The following TMCC1 variants were observed in gnomAD, a reference collection of about 807,000 sequenced individuals.
TMCC1 encodes transmembrane and coiled-coil domain family 1.
Under a neutral mutation model 52.4 loss-of-function variants are expected in TMCC1, and 15 were observed. That is an observed-to-expected ratio of 0.29 (90% CI 0.19 to 0.44). TMCC1 has a LOEUF of 0.44. TMCC1 is among the 20% of genes least tolerant of loss of function. The pLI is 1.00. For missense variants in TMCC1, 503 were observed against 806.0 expected (o/e 0.62, Z 4.55); for synonymous variants, 279 against 301.9 (o/e 0.92, Z 0.79).
chr3:129,831,683 T>C (rs1341854434), intron 3 of TMCC1, among the ~76,000 whole-genome samples: 1 of 152,106 alleles, frequency 6.6e-6, no homozygotes, highest in Non-Finnish European at 1.5e-5. Flanking sequence ...ATACCAACAA[T>C]AGTGATGTTG....
chr3:129,846,016 AGAGT>A (rs1263151424), intron 2 of TMCC1, among the ~76,000 whole-genome samples: 1 of 152,218 alleles, frequency 6.6e-6, no homozygotes, highest in East Asian at 1.9e-4. Flanking sequence ...CCTGGGCAAC[AGAGT>A]GAGACTCTGT....
At chr3:129,876,914 G>A (rs910724201) in intron 2 of TMCC1, among the ~76,000 whole-genome samples, 36 of 152,058 alleles carry the variant, frequency 2.4e-4, no homozygotes, top group African/African-American at 8.7e-4. Flanking sequence ...CTGAGATCGT[G>A]CCACTGCACT....
intron 1 of TMCC1, among the ~76,000 whole-genome samples, chr3:129,883,835 G>A (rs963705560): frequency 9.5e-5 from 14 of 147,296 alleles, no homozygotes; most frequent in African/African-American, 1.3e-4. Flanking sequence ...GTGAAACCTC[G>A]CGTCTATTTT....
At chr3:129,678,211 C>T (rs570117426) in intron 4 of TMCC1, among the ~76,000 whole-genome samples, 8 of 151,906 alleles carry the variant, frequency 5.3e-5, no homozygotes, top group South Asian at 2.1e-4. Context: ...TGAGCCACCA[C>T]GCCTGGCCAA....
intron 4 of TMCC1, among the ~76,000 whole-genome samples, chr3:129,678,695 G>A (rs1439906202): frequency 1.3e-5 from 2 of 151,984 alleles, no homozygotes; most frequent in East Asian, 3.9e-4. Flanking sequence ...ACTATGGAAT[G>A]GGTATTATTA....
chr3:129,816,231 G>GTA (rs1424372318), intron 4 of TMCC1, among the ~76,000 whole-genome samples: 1 of 152,114 alleles, frequency 6.6e-6, no homozygotes, highest in East Asian at 1.9e-4. Context: ...CTACTACTGG[G>GTA]TATATAGCCA....
At chr3:129,685,096 T>C (rs1170354205) in intron 4 of TMCC1, among the ~76,000 whole-genome samples, 1 of 152,060 alleles carries the variant, frequency 6.6e-6, no homozygotes, top group African/African-American at 2.4e-5. Context: ...GGAAAGGGGC[T>C]AGCTGGGTGC....
At chr3:129,862,014 T>G (rs1233681763) in intron 2 of TMCC1, among the ~76,000 whole-genome samples, 1 of 152,210 alleles carries the variant, frequency 6.6e-6, no homozygotes, top group Non-Finnish European at 1.5e-5. Flanking sequence ...TACCATGGAA[T>G]CTTACTTGGC....
intron 5 of TMCC1, among the ~76,000 whole-genome samples, chr3:129,663,295 G>T (rs552591121): frequency 1.3e-5 from 2 of 152,308 alleles, no homozygotes; most frequent in South Asian, 4.1e-4. Flanking sequence ...CAGGATAGCT[G>T]AAGAAACTTG....
At chr3:129,715,285 G>A (rs1398415004) in intron 4 of TMCC1, among the ~76,000 whole-genome samples, 4 of 152,146 alleles carry the variant, frequency 2.6e-5, no homozygotes, top group African/African-American at 2.4e-5. Flanking sequence ...CTGGCCAGGC[G>A]CGGTGGCTCA....
chr3:129,766,562 G>A (rs183243944), intron 4 of TMCC1, among the ~76,000 whole-genome samples: 3 of 152,196 alleles, frequency 2.0e-5, no homozygotes, highest in Admixed American at 2.0e-4. Flanking sequence ...AAAATCAAAT[G>A]GTTATTTAGA....
intron 4 of TMCC1, among the ~76,000 whole-genome samples, chr3:129,787,326 T>G (rs1316490100): frequency 6.6e-6 from 1 of 152,224 alleles, no homozygotes; most frequent in Admixed American, 6.5e-5. Context: ...TAAGATGGAT[T>G]CTTCTCACAC....
chr3:129,853,872 T>G (rs936859790), intron 2 of TMCC1, among the ~76,000 whole-genome samples: 4 of 152,098 alleles, frequency 2.6e-5, no homozygotes, highest in African/African-American at 4.8e-5. Context: ...AAATCAGAAA[T>G]GTAGGACTCC....
intron 4 of TMCC1, among the ~76,000 whole-genome samples, chr3:129,786,451 T>C (rs1362258547): frequency 6.6e-6 from 1 of 152,178 alleles, no homozygotes; most frequent in Non-Finnish European, 1.5e-5. Flanking sequence ...ATCTCTACTT[T>C]GAGCCTAAGT....
chr3:129,871,144 A>G (rs2060909381), intron 2 of TMCC1, among the ~76,000 whole-genome samples: 2 of 152,140 alleles, frequency 1.3e-5, no homozygotes, highest in South Asian at 4.1e-4. Flanking sequence ...GGAGAGCCTG[A>G]GGTCAGGAGT....
At chr3:129,789,294 C>T (rs936772316) in intron 4 of TMCC1, among the ~76,000 whole-genome samples, 4 of 151,902 alleles carry the variant, frequency 2.6e-5, no homozygotes, top group African/African-American at 9.7e-5. Flanking sequence ...TTTAAACAAC[C>T]CTAATTAACC....
At chr3:129,849,899 CTT>C (rs5852580) in intron 2 of TMCC1, among the ~76,000 whole-genome samples, 6 of 149,714 alleles carry the variant, frequency 4.0e-5, no homozygotes, top group Non-Finnish European at 3.0e-5. Context: ...AATTATATTT[CTT>C]TTTTTTTTTA....
chr3:129,839,765 G>A (rs959750896), intron 2 of TMCC1, among the ~76,000 whole-genome samples: 1 of 151,940 alleles, frequency 6.6e-6, no homozygotes, highest in Admixed American at 6.6e-5. Flanking sequence ...TGCACCTGTA[G>A]TACCAGCTAC....
chr3:129,877,406 G>T (rs1304614842), intron 2 of TMCC1, among the ~76,000 whole-genome samples: 1 of 152,088 alleles, frequency 6.6e-6, no homozygotes, highest in Non-Finnish European at 1.5e-5. Context: ...AGTCTTCCTT[G>T]ATGTTTCCTT....
Sources: gnomAD v4.1 joint callset for allele counts (sites outside exome capture counted in the v4.1 genomes callset) on GRCh38, gnomAD v4.1.1 for gene constraint, MANE v1.5 for transcripts, NCBI Gene and HGNC (gene_info 2026-07-23, HGNC 2026-07-21) for gene names.